TRAK2: variants seen among roughly 807,000 people sequenced by gnomAD.
TRAK2 encodes trafficking kinesin protein 2, also known as trafficking kinesin-binding protein 2.
TRAK2 carries 81 observed loss-of-function variants against 104.6 expected under a neutral mutation model. The ratio of observed to expected loss-of-function variants is 0.77; its 90% CI spans 0.65 to 0.93. TRAK2 has a LOEUF of 0.93. TRAK2 is among the 40% of genes least tolerant of loss of function. The pLI, the probability that TRAK2 is intolerant of heterozygous loss-of-function variation, is 0.00. For synonymous variants in TRAK2, 406 were observed against 394.4 expected (o/e 1.03, Z -0.35); for missense variants, 1,002 against 1,089.0 (o/e 0.92, Z 1.12).
chr2:201,381,380 A>T (rs1314129069), intron 15 of TRAK2, among the ~76,000 whole-genome samples, 162 bp from the exon 16 acceptor site: 1 of 152,202 alleles, frequency 6.6e-6, no homozygotes, highest in African/African-American at 2.4e-5. Flanking sequence ...TGGGGAATGA[A>T]AATTTTGACA....
intron 2 of TRAK2, among the ~76,000 whole-genome samples, chr2:201,417,673 T>A (rs911442143): frequency 2.0e-5 from 3 of 152,214 alleles, no homozygotes; most frequent in African/African-American, 7.2e-5. Flanking sequence ...GTCAAGGATG[T>A]TTGCTCTTAC....
At chr2:201,438,085 C>G (rs1163063449) in intron 1 of TRAK2, among the ~76,000 whole-genome samples, 1 of 152,156 alleles carries the variant, frequency 6.6e-6, no homozygotes, top group Non-Finnish European at 1.5e-5. Context: ...CAGACCTACA[C>G]AATTGAAGAG....
At position 201,443,202 on chromosome 2, in the gene TRAK2, T is replaced by C. The variant is rs572163184; in HGVS notation, c.-200+8148A>G. Reference sequence around the variant, plus strand: ...TTTTGTCTCTCCCACCTCTCATTCATACCTCAACCCCACTACAACCTGATT... The same window carrying C: ...TTTTGTCTCTCCCACCTCTCATTCACACCTCAACCCCACTACAACCTGATT... On this transcript the variant is annotated intron_variant, in intron 1 of 15. Transcript: ENST00000332624. Among the ~76,000 whole-genome samples the C allele has an allele frequency of 5.3e-5, 8 of 152,300 alleles. No homozygotes were observed. The East Asian group carries it at 1.5e-3, about 29-fold the overall frequency.
intron 1 of TRAK2, among the ~76,000 whole-genome samples, chr2:201,429,610 T>C (rs750911830): frequency 5.3e-5 from 8 of 152,222 alleles, no homozygotes; most frequent in Non-Finnish European, 7.3e-5. Context: ...ATTTTATTCA[T>C]TTGATCTTCA....
intron 2 of TRAK2, among the ~76,000 whole-genome samples, chr2:201,413,623 T>C (rs1951667548): frequency 6.6e-6 from 1 of 151,978 alleles, no homozygotes; most frequent in South Asian, 2.1e-4. Context: ...GTATTAAAGG[T>C]AGAAGACACT....
chr2:201,387,084 T>C (rs1951398432), intron 13 of TRAK2, among the ~76,000 whole-genome samples: 1 of 152,216 alleles, frequency 6.6e-6, no homozygotes, highest in Non-Finnish European at 1.5e-5. Flanking sequence ...TACAACTAAG[T>C]TATAAAATCT....
chr2:201,399,574 G>A, intron 4 of TRAK2, 81 bp from the exon 5 acceptor site: 2 of 1,044,204 alleles, frequency 1.9e-6, no homozygotes, highest in Admixed American at 1.9e-5. Flanking sequence ...GTCAGTTTTG[G>A]TAAAATCAAA....
intron 1 of TRAK2, among the ~76,000 whole-genome samples, 170 bp downstream of exon 1, chr2:201,451,180 A>AC (rs1380150530): frequency 6.6e-6 from 1 of 152,084 alleles, no homozygotes; most frequent in African/African-American, 2.4e-5. Context: ...TTAGGAAACA[A>AC]CCCACGCCTC....
At chr2:201,412,673 G>T (rs1212905647) in intron 2 of TRAK2, 11 of 1,542,564 alleles carry the variant, frequency 7.1e-6, no homozygotes, top group African/African-American at 1.4e-5. Flanking sequence ...TCTTTACAAG[G>T]AAATTTAGGC....
In TRAK2 at chr2:201,387,816, G is replaced by T. The variant is rs2244438; in HGVS notation, c.1583C>A (p.Thr528Lys). 1.9e-6 allele frequency: 3 copies of T among 1,613,944 alleles called. No homozygotes were observed. The highest frequency in any genetic ancestry group is 2.5e-6 in the Non-Finnish European group (3 of 1,179,960). ...KEGVSGCVTP[T>K]ESLASLCTTQ... is the part of the protein sequence containing the mutation. ...GGTGCAGAGAGAGGCAAGGCTCTCT[G>T]TCGGGGTGACACAGCCACTAACTCC... is the stretch of plus-strand genomic sequence containing the variant. Residue 528 changes from threonine (T) to lysine (K), a missense_variant, in exon 13 of 16, where the codon ACA becomes AAA. Thr to Lys is a moderately conservative substitution (Grantham distance 78). Coordinates refer to ENST00000332624, the MANE Select transcript of TRAK2 (RefSeq NM_015049.3).
chr2:201,432,879 T>C (rs1039854469), intron 1 of TRAK2, among the ~76,000 whole-genome samples: 1 of 152,202 alleles, frequency 6.6e-6, no homozygotes. Context: ...AAGCAATACT[T>C]TGGGGATTAA....
At chr2:201,416,810 GA>G (rs1951695732) in intron 2 of TRAK2, among the ~76,000 whole-genome samples, 1 of 151,136 alleles carries the variant, frequency 6.6e-6, no homozygotes, top group African/African-American at 2.4e-5. Context: ...CAAGCAGTGA[GA>G]AAAATAAGAG....
chr2:201,396,715 G>A lies in TRAK2; in HGVS notation c.769+787C>T, dbSNP rs191862894. ...GCGATAGTTGACCTGGTAACTGACG[G>A]CTACTAAGAGATGGTTACTAAGTGA... On this transcript the variant is annotated intron_variant, in intron 7 of 15. Transcript: ENST00000332624. Among the ~76,000 whole-genome samples, 275 of 152,234 alleles carry A rather than the reference G, an allele frequency of 1.8e-3. 3 individuals are homozygous for A. The highest frequency in any genetic ancestry group is 3.2e-4 in the Non-Finnish European group (22 of 68,010).
Position 201,420,583 on chromosome 2 carries a change from T to A in TRAK2, c.-76A>T. The stretch of plus-strand genomic sequence containing the variant: ...GAGTAAAGGAAATCCATCAAGCCAT[T>A]CAATAATGAAATGGATTTGGTCACA... On this transcript the variant is annotated 5_prime_UTR_variant, in exon 2 of 16. Transcript: ENST00000332624. 8.1e-7 allele frequency: 1 copy of A among 1,229,552 alleles called. No homozygotes were observed. The highest frequency in any genetic ancestry group is 1.2e-6 in the Non-Finnish European group (1 of 840,056). The allele number at this position is 1,229,552 out of a possible 1,614,324, so 76.2% of individuals were successfully genotyped here. A position where few individuals can be genotyped will look rare whatever the true frequency, so the allele number is the denominator to read the frequency against.
intron 2 of TRAK2, chr2:201,413,115 A>G (rs1576522484): frequency 3.6e-6 from 4 of 1,105,788 alleles, no homozygotes; most frequent in East Asian, 2.3e-5. Context: ...ATTTTTTATC[A>G]AAGACAAAAA....
intron 1 of TRAK2, among the ~76,000 whole-genome samples, chr2:201,449,171 TAA>T (rs1230260487): frequency 6.6e-6 from 1 of 152,206 alleles, no homozygotes; most frequent in East Asian, 1.9e-4. Flanking sequence ...TCAAAAGTAC[TAA>T]AGCAGGGGTT....
chr2:201,435,163 C>T (rs1349809155), intron 1 of TRAK2, among the ~76,000 whole-genome samples: 1 of 152,080 alleles, frequency 6.6e-6, no homozygotes, highest in African/African-American at 2.4e-5. Flanking sequence ...CTCAAGCGAT[C>T]CTCCCACCTC....
rs1490225141 is a variant in TRAK2 at position 201,420,699 on chromosome 2, G to C, written c.-192C>G. 1 of 509,312 alleles carries C rather than the reference G, an allele frequency of 2.0e-6. No individual in the cohort carries two copies. The highest frequency in any genetic ancestry group is 1.9e-5 in the African/African-American group (1 of 51,792). The allele number at this position is 509,312 out of a possible 1,614,324, so 31.5% of individuals were successfully genotyped here. A position where few individuals can be genotyped will look rare whatever the true frequency, so the allele number is the denominator to read the frequency against. Reference sequence around the variant, plus strand: ...TCATGTGATTATCATACTTTGGACAGTCATGACCTAAAACAAAAACATCAA... The same window carrying C: ...TCATGTGATTATCATACTTTGGACACTCATGACCTAAAACAAAAACATCAA... On this transcript the variant is annotated 5_prime_UTR_variant, in exon 2 of 16. Coordinates refer to ENST00000332624, the MANE Select transcript of TRAK2 (RefSeq NM_015049.3).
chr2:201,440,815 A>G (rs1331407771), intron 1 of TRAK2, among the ~76,000 whole-genome samples: 1 of 152,196 alleles, frequency 6.6e-6, no homozygotes, highest in African/African-American at 2.4e-5. Flanking sequence ...TTTTCACACA[A>G]AAAAATTTGC....
Sources: allele counts gnomAD v4.1 joint callset (sites outside exome capture counted in the v4.1 genomes callset), GRCh38; gene constraint gnomAD v4.1.1; transcripts MANE v1.5; gene names NCBI Gene and HGNC (gene_info 2026-07-23, HGNC 2026-07-21).